Variants in WWOX observed in about 807,000 individuals in gnomAD.
The protein encoded by WWOX is WW domain containing oxidoreductase, also known as WW domain-containing oxidoreductase.
WWOX carries 69 observed loss-of-function variants against 46.2 expected under a neutral mutation model. The ratio of observed to expected loss-of-function variants is 1.49; its 90% CI spans 1.23 to 1.82. WWOX has a LOEUF of 1.82. Among genes scored for constraint, WWOX ranks in the 40% most tolerant of loss-of-function variants. The pLI is 0.00. For missense variants in WWOX, 919 were observed against 542.6 expected, an observed-to-expected ratio of 1.69 and a Z score of -6.89; for synonymous variants, 359 against 202.6, an observed-to-expected ratio of 1.77 and a Z score of -6.56.
At chr16:78,720,111 C>G (rs1048576936) in intron 8 of WWOX, among the ~76,000 whole-genome samples, 1 of 152,148 alleles carries the variant, frequency 6.6e-6, no homozygotes, top group Non-Finnish European at 1.5e-5. Context: ...ATGCCTCACT[C>G]TTGCTTCTTG....
At chr16:78,134,989 C>G (rs897681442) in intron 4 of WWOX, among the ~76,000 whole-genome samples, 41 of 152,142 alleles carry the variant, frequency 2.7e-4, no homozygotes, top group African/African-American at 9.7e-4. Flanking sequence ...CGGGAGAGGG[C>G]AGAAGCAATG....
intron 8 of WWOX, among the ~76,000 whole-genome samples, chr16:79,093,692 C>T (rs1478125424): frequency 6.6e-6 from 1 of 152,186 alleles, no homozygotes; most frequent in East Asian, 1.9e-4. Context: ...GGCAGTGCTT[C>T]AGCCTTTTTG....
chr16:78,295,573 T>C (rs1243426574), intron 5 of WWOX, among the ~76,000 whole-genome samples: 1 of 152,122 alleles, frequency 6.6e-6, no homozygotes, highest in Non-Finnish European at 1.5e-5. Context: ...TAGCCGGACA[T>C]GATGGCAAGT....
At chr16:78,369,120 C>G (rs1333551667) in intron 5 of WWOX, among the ~76,000 whole-genome samples, 1 of 151,754 alleles carries the variant, frequency 6.6e-6, no homozygotes, top group Admixed American at 6.6e-5. Flanking sequence ...GTGATGTACA[C>G]ATTAAAGGAA....
chr16:78,657,996 C>T (rs2142162626), intron 8 of WWOX, among the ~76,000 whole-genome samples: 1 of 152,152 alleles, frequency 6.6e-6, no homozygotes. Context: ...TCACTTTATC[C>T]TGGAGTTTCT....
intron 8 of WWOX, among the ~76,000 whole-genome samples, chr16:78,878,257 T>G (rs1252878147): frequency 1.3e-5 from 2 of 152,180 alleles, no homozygotes; most frequent in Non-Finnish European, 2.9e-5. Flanking sequence ...TGACTGAGCT[T>G]GTCTGAGTTA....
intron 5 of WWOX, among the ~76,000 whole-genome samples, chr16:78,372,164 G>T (rs72796038): frequency 0.089 from 13,606 of 152,238 alleles, 817 homozygotes; most frequent in African/African-American, 0.16. Context: ...CTCCATTACA[G>T]TTCTCACATC....
intron 8 of WWOX, among the ~76,000 whole-genome samples, chr16:78,854,937 A>C (rs901304401): frequency 6.6e-6 from 1 of 151,310 alleles, no homozygotes; most frequent in Admixed American, 6.6e-5. Flanking sequence ...AAAACTTTAA[A>C]ATGGGTTATG....
chr16:78,396,550 C>G lies in WWOX; in HGVS notation c.605+9602C>G, dbSNP rs563319695. Among the ~76,000 whole-genome samples, 19 of 152,208 alleles carry G rather than the reference C, an allele frequency of 1.2e-4. No individual in the cohort carries two copies. The South Asian group carries it at 3.9e-3, about 32-fold the overall frequency. On this transcript the variant is annotated intron_variant, in intron 6 of 8. Transcript: ENST00000566780. ...GCTTTGGAGGGTAGATACAATTACC[C>G]CAGGGTTGTCTTTTCCCACTCCTCA...
chr16:78,914,880 G>GAA (rs10706775), intron 8 of WWOX, among the ~76,000 whole-genome samples: 46 of 69,338 alleles, frequency 6.6e-4, no homozygotes, highest in South Asian at 1.2e-3. Context: ...CTCCGCCTCA[G>GAA]AAAAAAAAAA....
intron 8 of WWOX, among the ~76,000 whole-genome samples, chr16:78,680,756 C>T (rs1007727065): frequency 6.6e-6 from 1 of 152,146 alleles, no homozygotes; most frequent in African/African-American, 2.4e-5. Context: ...TCCCATTGCA[C>T]AGTTTGGGTA....
chr16:79,126,038 C>G (rs980077911), intron 8 of WWOX, among the ~76,000 whole-genome samples: 1 of 152,104 alleles, frequency 6.6e-6, no homozygotes, highest in African/African-American at 2.4e-5. Context: ...AATGGATAAA[C>G]ATGTACAAAA....
chr16:78,815,207 C>G (rs1224996527), intron 8 of WWOX, among the ~76,000 whole-genome samples: 1 of 152,082 alleles, frequency 6.6e-6, no homozygotes, highest in Non-Finnish European at 1.5e-5. Context: ...CACCTGTAAT[C>G]CCAGCTACTT....
intron 5 of WWOX, among the ~76,000 whole-genome samples, chr16:78,311,539 A>T (rs993125652): frequency 6.6e-6 from 1 of 152,162 alleles, no homozygotes. Flanking sequence ...TAACTGTTTA[A>T]TGACTGGCAA....
intron 8 of WWOX, among the ~76,000 whole-genome samples, chr16:78,937,119 C>G (rs1375797382): frequency 6.6e-6 from 1 of 152,084 alleles, no homozygotes; most frequent in Non-Finnish European, 1.5e-5. Context: ...AGCAATCATT[C>G]CAATTCCTAG....
At chr16:78,274,180 C>G (rs900606614) in intron 5 of WWOX, among the ~76,000 whole-genome samples, 1 of 152,102 alleles carries the variant, frequency 6.6e-6, no homozygotes, top group African/African-American at 2.4e-5. Context: ...TCTTGCTCTT[C>G]CTTCTGATTG....
rs1196303003 is a variant in WWOX at position 78,179,662 on chromosome 16, T to G, written c.516+15373T>G. On this transcript the variant is annotated intron_variant, in intron 5 of 8. Transcript: ENST00000566780. ...TAAATGCATTAATTCAGTTCATCTT[T>G]ATGACAACACTATGAGATAGCTAAT... 3 of 152,370 alleles carry G rather than the reference T, an allele frequency of 2.0e-5. No homozygotes were observed. The East Asian group carries it at 5.8e-4, about 29-fold the overall frequency. The allele number at this position is 152,370 out of a possible 1,614,324, so 9.4% of individuals were successfully genotyped here.
At chr16:78,188,185 A>G (rs1177185990) in intron 5 of WWOX, among the ~76,000 whole-genome samples, 1 of 152,170 alleles carries the variant, frequency 6.6e-6, no homozygotes, top group Non-Finnish European at 1.5e-5. Context: ...TTACATCTGA[A>G]CATAGAATAG....
chr16:78,384,572 A>AG (rs2082021640), intron 5 of WWOX, among the ~76,000 whole-genome samples: 1 of 152,058 alleles, frequency 6.6e-6, no homozygotes, highest in Non-Finnish European at 1.5e-5. Context: ...CCCTCTTTAT[A>AG]GGGGGGATGT....
Sources: allele counts gnomAD v4.1 joint callset (sites outside exome capture counted in the v4.1 genomes callset), GRCh38; gene constraint gnomAD v4.1.1; transcripts MANE v1.5; gene names NCBI Gene and HGNC (gene_info 2026-07-23, HGNC 2026-07-21).